KIFC3: variants seen among roughly 807,000 people sequenced by gnomAD.
KIFC3 encodes the protein kinesin family member C3, also known as kinesin-like protein KIFC3.
KIFC3 carries 60 observed loss-of-function variants against 101.8 expected under a neutral mutation model. The observed-to-expected ratio is 0.59, with a 90% CI of 0.48 to 0.73. The LOEUF is 0.73. KIFC3 is among the 30% of genes least tolerant of loss of function. The pLI is 0.00. For synonymous variants in KIFC3, 476 were observed against 482.7 expected (o/e 0.99, Z 0.18); for missense variants, 966 against 1,137.1 (o/e 0.85, Z 2.16).
Position 57,765,360 on chromosome 16 carries a change from C to G in KIFC3, c.1512+99G>C, listed in dbSNP as rs530694615. ...CCCCACTTCTGATTCCTGCACCCCC[C>G]ACTCTTAACGCTTCTTCCTGCCCAG... On this transcript the variant is annotated intron_variant, in intron 11 of 19. Coordinates refer to ENST00000445690, the MANE Select transcript of KIFC3 (RefSeq NM_001130100.2). The G allele has an allele frequency of 1.2e-4, 149 of 1,207,644 alleles. 1 individual carries two copies. In the East Asian group the frequency reaches 1.6e-3, roughly 13 times the overall value. 74.8% of individuals were successfully genotyped at this position (1,207,644 alleles called of 1,614,324 possible).
intron 1 of KIFC3, among the ~76,000 whole-genome samples, chr16:57,823,766 TGTGTGTG>T (rs2149281255): frequency 1.4e-5 from 1 of 71,116 alleles, no homozygotes; most frequent in South Asian, 5.4e-4. Context: ...CTACTTTGTG[TGTGTGTG>T]TGTGTGTGTG....
intron 1 of KIFC3, among the ~76,000 whole-genome samples, chr16:57,823,107 T>C (rs2055385705): frequency 6.6e-6 from 1 of 152,186 alleles, no homozygotes; most frequent in South Asian, 2.1e-4. Context: ...CGACCAGCAT[T>C]AACATCAACA....
chr16:57,808,218 T>C (rs182886577), upstream of KIFC3, among the ~76,000 whole-genome samples: 36 of 151,862 alleles, frequency 2.4e-4, no homozygotes. Context: ...CTTAAAAAAA[T>C]GAGAGGAATG....
chr16:57,859,502 G>C (rs74019709), intron 1 of KIFC3, among the ~76,000 whole-genome samples: 5 of 152,106 alleles, frequency 3.3e-5, no homozygotes, highest in Admixed American at 3.3e-4. Context: ...ACTAATTATA[G>C]CTGTTTTCAC....
intron 1 of KIFC3, chr16:57,810,518 C>T (rs1371891178): frequency 3.8e-6 from 1 of 263,080 alleles, no homozygotes; most frequent in East Asian, 1.8e-4. Context: ...CCGCTGACAC[C>T]ACCAGCTTCC....
At chr16:57,821,502 A>G (rs1490043052) in intron 1 of KIFC3, among the ~76,000 whole-genome samples, 1 of 152,122 alleles carries the variant, frequency 6.6e-6, no homozygotes, top group East Asian at 1.9e-4. Flanking sequence ...GACTTGAATT[A>G]GGAGGCAGTG....
chr16:57,775,809 A>T, intron 3 of KIFC3: 4 of 985,556 alleles, frequency 4.1e-6, no homozygotes, highest in Non-Finnish European at 4.8e-6. Context: ...AAACGGTCCC[A>T]GGACAGCATG....
chr16:57,765,869 T>G, intron 10 of KIFC3: 5 of 447,124 alleles, frequency 1.1e-5, no homozygotes, highest in East Asian at 3.7e-5. Context: ...GGTGGAGCTC[T>G]GCCTTGGGGA....
At chr16:57,790,016 C>A (rs1226668815) in intron 3 of KIFC3, among the ~76,000 whole-genome samples, 2 of 151,600 alleles carry the variant, frequency 1.3e-5, no homozygotes, top group African/African-American at 4.9e-5. Flanking sequence ...GGATTACAGG[C>A]ATGAGCCACT....
intron 1 of KIFC3, among the ~76,000 whole-genome samples, chr16:57,845,493 A>T (rs1195155677): frequency 2.0e-5 from 3 of 152,006 alleles, no homozygotes; most frequent in Non-Finnish European, 4.4e-5. Flanking sequence ...CAAACCTCCT[A>T]TCCCTCCCAA....
chr16:57,764,886 G>A (rs2050286840), intron 11 of KIFC3, among the ~76,000 whole-genome samples: 1 of 149,472 alleles, frequency 6.7e-6, no homozygotes, highest in South Asian at 2.2e-4. Flanking sequence ...CCACATGGTG[G>A]GAAGATGGGA....
chr16:57,759,245 G>T, intron 18 of KIFC3, 92 bp from the exon 19 acceptor site: 2 of 1,435,498 alleles, frequency 1.4e-6, no homozygotes, highest in Non-Finnish European at 9.6e-7. Flanking sequence ...TGGACTCAAG[G>T]ATGGGCCAGG....
chr16:57,860,595 G>A (rs2056283483), intron 1 of KIFC3, among the ~76,000 whole-genome samples: 1 of 152,140 alleles, frequency 6.6e-6, no homozygotes, highest in Admixed American at 6.5e-5. Flanking sequence ...CACTTTCTTG[G>A]GAAAGAATTC....
intron 1 of KIFC3, among the ~76,000 whole-genome samples, chr16:57,825,337 C>A: frequency 6.6e-6 from 1 of 152,240 alleles, no homozygotes; most frequent in Non-Finnish European, 1.5e-5. Context: ...GGCTTGACCC[C>A]AGCCTCAAAG....
chr16:57,826,730 T>C (rs1167092673), intron 1 of KIFC3, among the ~76,000 whole-genome samples: 1 of 152,206 alleles, frequency 6.6e-6, no homozygotes, highest in Non-Finnish European at 1.5e-5. Context: ...GTGTTTTGAT[T>C]TGGTCATCAC....
chr16:57,775,770 G>T, intron 3 of KIFC3: 4 of 985,704 alleles, frequency 4.1e-6, no homozygotes, highest in Non-Finnish European at 4.8e-6. Context: ...CAGGACGGAG[G>T]AGAAAGCAGA....
intron 12 of KIFC3, among the ~76,000 whole-genome samples, chr16:57,763,631 C>T (rs551235395): frequency 2.0e-5 from 3 of 151,986 alleles, no homozygotes; most frequent in East Asian, 1.9e-4. Context: ...GGGAGGGTGC[C>T]GGTGACGAGC....
At chr16:57,815,368 A>G in intron 1 of KIFC3, 1 of 1,046,570 alleles carries the variant, frequency 9.6e-7, no homozygotes, top group Non-Finnish European at 1.2e-6. Context: ...GGCCACAGGT[A>G]CATCTCTGTG....
intron 3 of KIFC3, chr16:57,775,277 G>GC: frequency 7.9e-7 from 1 of 1,268,232 alleles, no homozygotes; most frequent in Non-Finnish European, 9.9e-7. Context: ...TTGTTCAGAG[G>GC]TGTCAGACAC....
Sources: gnomAD v4.1 joint callset for allele counts (sites outside exome capture counted in the v4.1 genomes callset) on GRCh38, gnomAD v4.1.1 for gene constraint, MANE v1.5 for transcripts, NCBI Gene and HGNC (gene_info 2026-07-23, HGNC 2026-07-21) for gene names.